LUC7L: variants seen among roughly 807,000 people sequenced by gnomAD.
The protein encoded by LUC7L is LUC7 like.
Under a neutral mutation model 51.1 loss-of-function variants are expected in LUC7L, and 29 were observed. That is an observed-to-expected ratio of 0.57 (90% CI 0.42 to 0.77). LUC7L has a LOEUF of 0.77. LUC7L is among the 30% of genes least tolerant of loss of function. LUC7L has a pLI of 0.00. For missense variants in LUC7L, 403 were observed against 511.9 expected (o/e 0.79, Z 2.05); for synonymous variants, 181 against 180.7 (o/e 1.00, Z -0.01).
rs554404514 is a variant in LUC7L at position 202,613 on chromosome 16, T to A, written c.511-3375A>T. On this transcript the variant is annotated intron_variant, in intron 5 of 9. Coordinates refer to ENST00000293872, the MANE Select transcript of LUC7L (RefSeq NM_201412.3). ...AATGGGCTCTACCATACAGCCCACA[T>A]GGCTATACCACCCAGGTTTGTTAAG... Among the ~76,000 whole-genome samples the A allele has an allele frequency of 1.2e-4, 18 of 152,314 alleles. No individual in the cohort carries two copies. In the East Asian group the frequency reaches 2.3e-3, roughly 20 times the overall value.
chr16:202,350 C>T, intron 5 of LUC7L, among the ~76,000 whole-genome samples: 1 of 152,154 alleles, frequency 6.6e-6, no homozygotes, highest in African/African-American at 2.4e-5. Context: ...GAACCACCCC[C>T]ATGACCCAAA....
At chr16:213,748 A>G (rs2049709474) in intron 3 of LUC7L, among the ~76,000 whole-genome samples, 2 of 150,966 alleles carry the variant, frequency 1.3e-5, no homozygotes, top group Admixed American at 6.6e-5. Flanking sequence ...CAAGTCTCGC[A>G]CTGTTTCCTG....
chr16:190,366 C>T (rs1331082818), intron 8 of LUC7L, among the ~76,000 whole-genome samples, 175 bp downstream of exon 8: 3 of 152,122 alleles, frequency 2.0e-5, no homozygotes, highest in East Asian at 1.9e-4. Flanking sequence ...CCCCGACCTT[C>T]CCTCTCATTA....
At chr16:189,848 G>T in intron 9 of LUC7L, 120 bp downstream of exon 9, 2 of 1,482,818 alleles carry the variant, frequency 1.3e-6, no homozygotes. Flanking sequence ...CGACTCCCCA[G>T]CCCTACTCCT....
chr16:224,923 A>G (rs1316156559), intron 2 of LUC7L, among the ~76,000 whole-genome samples: 1 of 152,128 alleles, frequency 6.6e-6, no homozygotes, highest in Non-Finnish European at 1.5e-5. Flanking sequence ...CACTGAGGAT[A>G]GGCTTGGGTT....
At chr16:227,472 G>T (rs377585117) in intron 1 of LUC7L, 136 bp from the exon 2 acceptor site, 1 of 1,461,062 alleles carries the variant, frequency 6.8e-7, no homozygotes, top group Non-Finnish European at 9.0e-7. Context: ...ATGAAAAGCT[G>T]ATCTAAAGAT....
intron 3 of LUC7L, among the ~76,000 whole-genome samples, chr16:216,008 G>GTT (rs376983590): frequency 6.8e-6 from 1 of 148,124 alleles, no homozygotes; most frequent in South Asian, 2.1e-4. Context: ...CCGGTTTACT[G>GTT]TTTTTTTTTT....
chr16:217,643 G>A (rs2142100728), intron 3 of LUC7L, among the ~76,000 whole-genome samples: 1 of 150,538 alleles, frequency 6.6e-6, no homozygotes, highest in African/African-American at 2.4e-5. Context: ...GGAGGCAGAG[G>A]TTGCAGTGGG....
chr16:200,507 T>G (rs1596617042), intron 5 of LUC7L, among the ~76,000 whole-genome samples: 2 of 147,138 alleles, frequency 1.4e-5, no homozygotes, highest in African/African-American at 2.5e-5. Flanking sequence ...GCCCAGGAGG[T>G]GGAGGTTGCA....
chr16:217,456 C>T (rs2142100223), intron 3 of LUC7L, among the ~76,000 whole-genome samples: 1 of 152,200 alleles, frequency 6.6e-6, no homozygotes, highest in African/African-American at 2.4e-5. Context: ...CCTGTAATCT[C>T]AACACTCTGG....
At chr16:192,493 T>C (rs1396014966) in intron 7 of LUC7L, among the ~76,000 whole-genome samples, 1 of 147,784 alleles carries the variant, frequency 6.8e-6, no homozygotes, top group African/African-American at 2.5e-5. Flanking sequence ...GGACTGAATA[T>C]GCTGTTTACT....
At chr16:196,006 C>T (rs2049138412) in intron 6 of LUC7L, among the ~76,000 whole-genome samples, 2 of 152,266 alleles carry the variant, frequency 1.3e-5, no homozygotes, top group Middle Eastern at 6.8e-3. Context: ...GCTTTCTAAC[C>T]AAGTTAATGC....
At chr16:214,328 G>A (rs905806921) in intron 3 of LUC7L, among the ~76,000 whole-genome samples, 6 of 152,112 alleles carry the variant, frequency 3.9e-5, no homozygotes, top group Non-Finnish European at 7.4e-5. Context: ...CCAAAGTGCT[G>A]GGATTACAGG....
At chr16:211,912 T>C (rs554324517) in intron 3 of LUC7L, among the ~76,000 whole-genome samples, 1 of 152,162 alleles carries the variant, frequency 6.6e-6, no homozygotes, top group Admixed American at 6.5e-5. Context: ...TCACTGAGCC[T>C]GAGAAAAGCC....
chr16:225,740 C>T (rs1442520414), intron 2 of LUC7L, among the ~76,000 whole-genome samples: 4 of 151,432 alleles, frequency 2.6e-5, no homozygotes. Flanking sequence ...CCGCCTCGGC[C>T]TCCCAAAGTA....
chr16:206,155 G>C lies in LUC7L; in HGVS notation c.367-8C>G. 1.2e-6 allele frequency: 2 copies of C among 1,611,562 alleles called. No individual in the cohort carries two copies. The highest frequency in any genetic ancestry group is 2.7e-5 in the African/African-American group (2 of 74,888). On this transcript the variant is annotated splice_region_variant and splice_polypyrimidine_tract_variant and intron_variant, in intron 4 of 9. Coordinates refer to ENST00000293872, the MANE Select transcript of LUC7L (RefSeq NM_201412.3). ...CTCATGTACTTTTTCTGCCTGTGAG[G>C]AGAAAGAATGAGGTAAGCAGACATC...
At chr16:192,866 G>T (rs2049046164) in intron 7 of LUC7L, 61 bp downstream of exon 7, 2 of 1,390,228 alleles carry the variant, frequency 1.4e-6, no homozygotes, top group Non-Finnish European at 1.0e-6. Context: ...ACAGTGGAAT[G>T]GACCGAGCAG....
chr16:226,674 C>A (rs2050141161), intron 2 of LUC7L, among the ~76,000 whole-genome samples: 2 of 152,166 alleles, frequency 1.3e-5, no homozygotes, highest in Admixed American at 6.6e-5. Flanking sequence ...TGAGGTCAAA[C>A]AAACCCACGC....
chr16:217,139 C>A (rs1738513300), intron 3 of LUC7L, among the ~76,000 whole-genome samples: 1 of 152,098 alleles, frequency 6.6e-6, no homozygotes, highest in African/African-American at 2.4e-5. Context: ...GCCTCAGTCT[C>A]CCGAGTAGTT....
Sources: allele counts gnomAD v4.1 joint callset (sites outside exome capture counted in the v4.1 genomes callset), GRCh38; gene constraint gnomAD v4.1.1; transcripts MANE v1.5; gene names NCBI Gene and HGNC (gene_info 2026-07-23, HGNC 2026-07-21).